The following HTR4 variants were observed in gnomAD, a reference collection of about 807,000 sequenced individuals.
The protein encoded by HTR4 is 5-hydroxytryptamine receptor 4.
Under a neutral mutation model 36.8 loss-of-function variants are expected in HTR4, and 16 were observed. That is an observed-to-expected ratio of 0.43 (90% CI 0.29 to 0.66). The LOEUF (loss-of-function observed/expected upper bound fraction) is 0.66, where lower values mean the gene tolerates loss of function less well. Ranked by LOEUF, HTR4 falls within the 30% of genes least tolerant of loss-of-function variation. The probability of loss-of-function intolerance (pLI) is 0.13; values close to 1 mark genes in which losing one functional copy is unlikely to be tolerated. For missense variants in HTR4, 438 were observed against 490.9 expected (o/e 0.89, Z 1.02); for synonymous variants, 189 against 185.1 (o/e 1.02, Z -0.17).
intron 2 of HTR4, among the ~76,000 whole-genome samples, chr5:148,585,890 T>G (rs1344613649): frequency 6.6e-6 from 1 of 152,192 alleles, no homozygotes; most frequent in East Asian, 1.9e-4. Flanking sequence ...CTTGGTGTGA[T>G]TTCCTCAAAC....
At chr5:148,565,733 A>C (rs1461508861) in intron 2 of HTR4, among the ~76,000 whole-genome samples, 2 of 152,166 alleles carry the variant, frequency 1.3e-5, no homozygotes, top group Non-Finnish European at 2.9e-5. Flanking sequence ...AGGCAGGTGG[A>C]GAATAATGGT....
At chr5:148,640,164 C>T (rs1753680106) in intron 1 of HTR4, among the ~76,000 whole-genome samples, 2 of 152,200 alleles carry the variant, frequency 1.3e-5, no homozygotes, top group African/African-American at 4.8e-5. Context: ...TTCTTGTCAT[C>T]TTATTATACG....
At chr5:148,477,095 C>G (rs1245952534), downstream of HTR4, among the ~76,000 whole-genome samples, 1 of 152,108 alleles carries the variant, frequency 6.6e-6, no homozygotes, top group Non-Finnish European at 1.5e-5. Context: ...AAATGGCATG[C>G]TGAAACTTAT....
intron 6 of HTR4, among the ~76,000 whole-genome samples, chr5:148,488,492 T>C (rs1015091530): frequency 5.3e-5 from 8 of 152,174 alleles, no homozygotes; most frequent in Admixed American, 3.3e-4. Flanking sequence ...GCATTTAAGG[T>C]CACAATACAG....
At chr5:148,515,401 C>T (rs1446054711) in intron 5 of HTR4, among the ~76,000 whole-genome samples, 2 of 152,144 alleles carry the variant, frequency 1.3e-5, no homozygotes, top group African/African-American at 4.8e-5. Flanking sequence ...CTTACACTAT[C>T]CACATATTTA....
At chr5:148,570,988 C>T (rs762725115) in intron 2 of HTR4, among the ~76,000 whole-genome samples, 1 of 151,986 alleles carries the variant, frequency 6.6e-6, no homozygotes, top group Non-Finnish European at 1.5e-5. Flanking sequence ...CTTTGGGATA[C>T]TGGGTTGTAG....
intron 2 of HTR4, among the ~76,000 whole-genome samples, chr5:148,565,258 T>C (rs1390166788): frequency 1.3e-5 from 2 of 152,200 alleles, no homozygotes; most frequent in Non-Finnish European, 2.9e-5. Flanking sequence ...ACACTGGTCC[T>C]GGTCTTCTAG....
At chr5:148,623,818 A>T (rs1752995681) in intron 2 of HTR4, among the ~76,000 whole-genome samples, 1 of 152,196 alleles carries the variant, frequency 6.6e-6, no homozygotes, top group Non-Finnish European at 1.5e-5. Context: ...TAAATAAATA[A>T]ATAAAGAGGT....
At chr5:148,485,530 A>G (rs1331939363) in intron 6 of HTR4, among the ~76,000 whole-genome samples, 1 of 152,198 alleles carries the variant, frequency 6.6e-6, no homozygotes, top group Admixed American at 6.5e-5. Flanking sequence ...CACCTGTGAG[A>G]AACCTGCAGT....
At chr5:148,503,235 C>T (rs967863964) in intron 6 of HTR4, among the ~76,000 whole-genome samples, 1 of 151,880 alleles carries the variant, frequency 6.6e-6, no homozygotes, top group Non-Finnish European at 1.5e-5. Context: ...TTAAGGGCAG[C>T]CAGAGAGAAA....
intron 6 of HTR4, among the ~76,000 whole-genome samples, chr5:148,491,743 A>G (rs1756454556): frequency 6.6e-6 from 1 of 152,194 alleles, no homozygotes; most frequent in Admixed American, 6.5e-5. Flanking sequence ...CTAGATCTAA[A>G]CTTAAAGCAT....
chr5:148,517,582 T>G (rs1399560773), intron 5 of HTR4, among the ~76,000 whole-genome samples: 7 of 151,964 alleles, frequency 4.6e-5, no homozygotes, highest in African/African-American at 1.7e-4. Context: ...CTGTCCAAAA[T>G]TTTGGGTCAT....
intron 2 of HTR4, among the ~76,000 whole-genome samples, chr5:148,585,636 T>A (rs888627711): frequency 2.0e-5 from 3 of 152,216 alleles, no homozygotes; most frequent in Admixed American, 1.3e-4. Context: ...AGATGTTAAA[T>A]GACTTGCAGG....
chr5:148,572,276 G>T (rs1417874623), intron 2 of HTR4, among the ~76,000 whole-genome samples: 2 of 151,868 alleles, frequency 1.3e-5, no homozygotes, highest in African/African-American at 4.8e-5. Flanking sequence ...TTTATGCATT[G>T]GCTGATTTTT....
chr5:148,511,387 G>A (rs1363007640), intron 5 of HTR4, among the ~76,000 whole-genome samples: 3 of 151,980 alleles, frequency 2.0e-5, no homozygotes, highest in South Asian at 2.1e-4. Context: ...AATTTTATTT[G>A]TTTTCCAACT....
chr5:148,478,814 A>G (rs1755787000), downstream of HTR4, among the ~76,000 whole-genome samples: 2 of 152,144 alleles, frequency 1.3e-5, no homozygotes, highest in Admixed American at 6.5e-5. Flanking sequence ...GTGAGAAGAT[A>G]GGTCCCAAGA....
Position 148,627,803 on chromosome 5 carries a change from C to T in HTR4, c.26+9186G>A, listed in dbSNP as rs182238670. ...AAAATGTCTGAAATTTAACACAACC[C>T]TATTTGCTAAATGGTAATAAAACAG... On this transcript the variant is annotated intron_variant, in intron 2 of 6. Transcript: ENST00000377888. Among the ~76,000 whole-genome samples the T allele has an allele frequency of 1.6e-3, 250 of 152,290 alleles. 2 individuals are homozygous for T. The highest frequency in any genetic ancestry group is 5.6e-3 in the African/African-American group (233 of 41,560).
intron 6 of HTR4, among the ~76,000 whole-genome samples, chr5:148,483,903 T>C (rs1023221693): frequency 3.3e-5 from 5 of 151,920 alleles, no homozygotes; most frequent in African/African-American, 1.2e-4. Context: ...ATTCCTGAGG[T>C]TCTTTATTAC....
chr5:148,500,030 C>T (rs887863541), intron 6 of HTR4, among the ~76,000 whole-genome samples: 4 of 152,146 alleles, frequency 2.6e-5, no homozygotes, highest in Non-Finnish European at 5.9e-5. Flanking sequence ...GACAAATAAA[C>T]CTCTTTTCCT....
Sources: allele counts gnomAD v4.1 joint callset (sites outside exome capture counted in the v4.1 genomes callset), GRCh38; gene constraint gnomAD v4.1.1; transcripts MANE v1.5; gene names NCBI Gene and HGNC (gene_info 2026-07-23, HGNC 2026-07-21).